Variants in ADORA2B observed in about 807,000 individuals in gnomAD.
ADORA2B encodes the protein adenosine A2b receptor, also known as adenosine receptor A2b.
A neutral mutation model predicts 20.8 loss-of-function variants in ADORA2B; 18 were observed. The ratio of observed to expected loss-of-function variants is 0.87; its 90% CI spans 0.60 to 1.29. ADORA2B has a LOEUF of 1.29. Among genes scored for constraint, ADORA2B ranks in the 50% most tolerant of loss-of-function variants. The pLI, the probability that ADORA2B is intolerant of heterozygous loss-of-function variation, is 0.00. For missense variants in ADORA2B, 441 were observed against 422.7 expected (o/e 1.04, Z -0.38); for synonymous variants, 179 against 178.3 (o/e 1.00, Z -0.03).
chr17:15,912,759 A>G, the ADORA2B span, among the ~76,000 whole-genome samples: 2 of 152,222 alleles, frequency 1.3e-5, no homozygotes, highest in East Asian at 1.9e-4. Context: ...TGGAGGGCCA[A>G]TGACTTAGCA....
At chr17:15,950,170 A>G (rs1157829865) in intron 1 of ADORA2B, among the ~76,000 whole-genome samples, 1 of 152,234 alleles carries the variant, frequency 6.6e-6, no homozygotes, top group Non-Finnish European at 1.5e-5. Flanking sequence ...CTCTTAATGC[A>G]TTTGCACTCT....
the ADORA2B span, among the ~76,000 whole-genome samples, chr17:15,903,893 C>T: frequency 6.6e-5 from 10 of 152,122 alleles, no homozygotes; most frequent in Non-Finnish European, 1.3e-4. Flanking sequence ...CTTCAAATTA[C>T]GTAGAACCTC....
At position 15,974,825 on chromosome 17, in the gene ADORA2B, C is replaced by T; in HGVS notation, c.482C>T (p.Thr161Ile). The T allele has an allele frequency of 6.2e-7, 1 of 1,614,104 alleles. No individual in the cohort carries two copies. Among genetic ancestry groups the T allele is most frequent in the Non-Finnish European group, 8.5e-7 (1 of 1,180,030 alleles). The stretch of plus-strand genomic sequence containing the variant: ...AACTGCACAGAACCCTGGGATGGAA[C>T]CACGAATGAAAGCTGCTGCCTTGTG... ...TNNCTEPWDG[T>I]TNESCCLVKC... The change falls in exon 2 of 2, where the codon ACC becomes ATC. Residue 161 changes from threonine to isoleucine, a missense_variant. Physicochemically the swap from Thr to Ile is moderately conservative, Grantham distance 89. Transcript: ENST00000304222.
At chr17:15,940,555 A>G (rs1434164471), upstream of ADORA2B, among the ~76,000 whole-genome samples, 1 of 152,210 alleles carries the variant, frequency 6.6e-6, no homozygotes, top group Non-Finnish European at 1.5e-5. Flanking sequence ...CTTTATGTAC[A>G]AGCCAGTGAG....
At chr17:15,912,418 T>A in the ADORA2B span, among the ~76,000 whole-genome samples, 1 of 151,792 alleles carries the variant, frequency 6.6e-6, no homozygotes, top group Non-Finnish European at 1.5e-5. Context: ...TTCAGGGCAA[T>A]GAGGCTGCCT....
chr17:15,897,541 C>G, the ADORA2B span, among the ~76,000 whole-genome samples: 1 of 152,154 alleles, frequency 6.6e-6, no homozygotes, highest in Admixed American at 6.5e-5. Flanking sequence ...GCACTCCAGC[C>G]TGGGTGACAG....
the ADORA2B span, among the ~76,000 whole-genome samples, chr17:15,879,634 T>A: frequency 3.4e-5 from 5 of 148,978 alleles, no homozygotes; most frequent in Admixed American, 2.0e-4. Context: ...GCCTCCTGGG[T>A]TCACGCCATT....
At position 15,960,793 on chromosome 17, in the gene ADORA2B, G is replaced by A. The variant is rs140215250; in HGVS notation, c.336-13886G>A. 6.3e-3 allele frequency among the ~76,000 whole-genome samples: 956 copies of A among 151,390 alleles called. 8 individuals are homozygous for A. The highest frequency in any genetic ancestry group is 0.022 in the African/African-American group (914 of 41,154). ...CGGGAGGCTGAGGCAGGAGAATGGCGTGAGTCCAGGAGACAGAGGTTGCAG... is the reference window on the plus strand; with the variant it reads ...CGGGAGGCTGAGGCAGGAGAATGGCATGAGTCCAGGAGACAGAGGTTGCAG... On this transcript the variant is annotated intron_variant, in intron 1 of 1. Coordinates refer to ENST00000304222, the MANE Select transcript of ADORA2B (RefSeq NM_000676.4).
At chr17:15,933,556 T>C in the ADORA2B span, among the ~76,000 whole-genome samples, 63 of 150,370 alleles carry the variant, frequency 4.2e-4, no homozygotes, top group Non-Finnish European at 5.8e-4. Context: ...TTTTTGATGC[T>C]AATGTAAATG....
the ADORA2B span, among the ~76,000 whole-genome samples, chr17:15,860,430 G>T: frequency 1.3e-5 from 2 of 149,402 alleles, no homozygotes; most frequent in African/African-American, 5.1e-5. Context: ...CGCTGCCTGT[G>T]ACCTGGTCAT....
chr17:15,953,877 G>A (rs1000509175), intron 1 of ADORA2B, among the ~76,000 whole-genome samples: 1 of 152,210 alleles, frequency 6.6e-6, no homozygotes, highest in Non-Finnish European at 1.5e-5. Flanking sequence ...TACTTTGCCT[G>A]TCAGAGGCAG....
chr17:15,882,939 A>G, the ADORA2B span, among the ~76,000 whole-genome samples: 1 of 152,120 alleles, frequency 6.6e-6, no homozygotes, highest in South Asian at 2.1e-4. Flanking sequence ...AGGCCTTGAT[A>G]TTTGCTGCTG....
chr17:15,863,346 T>A, the ADORA2B span, among the ~76,000 whole-genome samples: 746 of 151,594 alleles, frequency 4.9e-3, 5 homozygotes, highest in Non-Finnish European at 7.2e-3. Flanking sequence ...CCTTGAAAAA[T>A]TTTTTTTTAT....
the ADORA2B span, among the ~76,000 whole-genome samples, chr17:15,934,855 G>A: frequency 2.6e-5 from 4 of 152,098 alleles, no homozygotes; most frequent in South Asian, 2.1e-4. Context: ...TGCCCAAAGT[G>A]GAGTGCAGTG....
chr17:15,897,249 A>G, the ADORA2B span, among the ~76,000 whole-genome samples: 68,516 of 151,960 alleles, frequency 0.45, 17,109 homozygotes, highest in African/African-American at 0.67. Flanking sequence ...ACTGCAGAAA[A>G]AGCAAAGACA....
chr17:15,929,973 A>C, the ADORA2B span, among the ~76,000 whole-genome samples: 1 of 152,214 alleles, frequency 6.6e-6, no homozygotes, highest in African/African-American at 2.4e-5. Flanking sequence ...GTGAATGTAC[A>C]TTTTGGTTAA....
the ADORA2B span, among the ~76,000 whole-genome samples, chr17:15,870,221 G>A: frequency 6.8e-6 from 1 of 147,236 alleles, no homozygotes; most frequent in African/African-American, 2.6e-5. Flanking sequence ...TTACTTAGAT[G>A]AAGATATATA....
At chr17:15,868,719 G>A in the ADORA2B span, among the ~76,000 whole-genome samples, 2 of 100,620 alleles carry the variant, frequency 2.0e-5, no homozygotes, top group African/African-American at 6.2e-5. Flanking sequence ...GGTGGAGGTT[G>A]CAGTGAGCTG....
chr17:15,957,841 C>T (rs975052121), intron 1 of ADORA2B, among the ~76,000 whole-genome samples: 10 of 152,256 alleles, frequency 6.6e-5, no homozygotes, highest in African/African-American at 2.2e-4. Flanking sequence ...GCGCCAGTCC[C>T]GCCACCTGCA....
Sources: gnomAD v4.1 joint callset for allele counts (sites outside exome capture counted in the v4.1 genomes callset) on GRCh38, gnomAD v4.1.1 for gene constraint, MANE v1.5 for transcripts, NCBI Gene and HGNC (gene_info 2026-07-23, HGNC 2026-07-21) for gene names.